The following SUZ12 variants were observed in gnomAD, a reference collection of about 807,000 sequenced individuals.
The protein encoded by SUZ12 is SUZ12 polycomb repressive complex 2 subunit.
In SUZ12, 17 loss-of-function variants were observed where a neutral mutation model predicts 87.3. The ratio of observed to expected loss-of-function variants is 0.19; its 90% confidence interval spans 0.13 to 0.29. The LOEUF (loss-of-function observed/expected upper bound fraction) is 0.29. SUZ12 is among the 10% of genes least tolerant of loss of function. The probability of loss-of-function intolerance (pLI) is 1.00; values close to 1 mark genes in which losing one functional copy is unlikely to be tolerated. For missense variants in SUZ12, 526 were observed against 912.2 expected (o/e 0.58, Z 5.45); for synonymous variants, 253 against 312.4 (o/e 0.81, Z 2.01).
chr17:31,970,289 G>T (rs2047405978), intron 5 of SUZ12, among the ~76,000 whole-genome samples: 1 of 152,142 alleles, frequency 6.6e-6, no homozygotes, highest in Non-Finnish European at 1.5e-5. Context: ...CTGATCAAAT[G>T]TGTTTTACAC....
At chr17:31,944,326 C>G (rs1374327822) in intron 3 of SUZ12, among the ~76,000 whole-genome samples, 1 of 152,000 alleles carries the variant, frequency 6.6e-6, no homozygotes, top group African/African-American at 2.4e-5. Context: ...TGGGGTTTCT[C>G]CATGTTGGTC....
chr17:31,987,641 C>T (rs1214382207), intron 9 of SUZ12, among the ~76,000 whole-genome samples: 1 of 151,840 alleles, frequency 6.6e-6, no homozygotes, highest in Non-Finnish European at 1.5e-5. Flanking sequence ...ATTTTTAAGA[C>T]ATTTCAAGGC....
At chr17:31,955,497 C>G (rs1317975939) in intron 4 of SUZ12, among the ~76,000 whole-genome samples, 1 of 151,946 alleles carries the variant, frequency 6.6e-6, no homozygotes, top group Non-Finnish European at 1.5e-5. Flanking sequence ...GCCTGTAGTC[C>G]CAGCACTTTT....
chr17:31,956,188 C>G (rs1345356356), intron 4 of SUZ12, among the ~76,000 whole-genome samples: 1 of 151,554 alleles, frequency 6.6e-6, no homozygotes, highest in African/African-American at 2.4e-5. Context: ...GCTGGGATTA[C>G]AGGCGTGAGC....
intron 8 of SUZ12, among the ~76,000 whole-genome samples, chr17:31,980,902 C>T (rs1317050149): frequency 3.3e-5 from 5 of 151,914 alleles, no homozygotes; most frequent in Non-Finnish European, 7.4e-5. Context: ...TGCAGTGGCT[C>T]ACACTTGTAA....
At chr17:31,946,174 G>A (rs1906624460) in intron 3 of SUZ12, among the ~76,000 whole-genome samples, 1 of 152,016 alleles carries the variant, frequency 6.6e-6, no homozygotes, top group Non-Finnish European at 1.5e-5. Context: ...TCTAATATCA[G>A]TAGTTTACTA....
At chr17:31,990,587 A>C (rs907240341) in intron 10 of SUZ12, among the ~76,000 whole-genome samples, 1 of 151,806 alleles carries the variant, frequency 6.6e-6, no homozygotes, top group South Asian at 2.1e-4. Flanking sequence ...CTTGTCTCAA[A>C]CTACTGATGT....
intron 1 of SUZ12, among the ~76,000 whole-genome samples, chr17:31,938,804 A>C (rs867351189): frequency 3.3e-5 from 5 of 152,226 alleles, no homozygotes; most frequent in African/African-American, 1.2e-4. Context: ...CTGAATGTTA[A>C]GACACATCCT....
chr17:31,946,793 G>A (rs1906665779), intron 3 of SUZ12, among the ~76,000 whole-genome samples: 1 of 152,102 alleles, frequency 6.6e-6, no homozygotes, highest in South Asian at 2.1e-4. Context: ...CTAAGATGAG[G>A]CTTGTTTTTA....
At chr17:31,961,133 A>C in intron 4 of SUZ12, among the ~76,000 whole-genome samples, 1 of 151,040 alleles carries the variant, frequency 6.6e-6, no homozygotes, top group East Asian at 2.0e-4. Flanking sequence ...AATGGCTTGA[A>C]CCCTGGGAGG....
intron 4 of SUZ12, among the ~76,000 whole-genome samples, chr17:31,965,417 G>C (rs1286854365): frequency 2.0e-5 from 3 of 152,150 alleles, no homozygotes; most frequent in African/African-American, 7.2e-5. Context: ...TTTATCCCAT[G>C]CTTATTGTTT....
chr17:31,982,748 T>TAA (rs1909187576), intron 8 of SUZ12, among the ~76,000 whole-genome samples: 1 of 152,232 alleles, frequency 6.6e-6, no homozygotes, highest in Non-Finnish European at 1.5e-5. Flanking sequence ...TCAGGCATAT[T>TAA]ATACTTTACA....
intron 9 of SUZ12, among the ~76,000 whole-genome samples, chr17:31,985,153 T>C: frequency 8.7e-6 from 1 of 114,754 alleles, no homozygotes; most frequent in Admixed American, 9.7e-5. Context: ...AGCAAGACTC[T>C]GTCTCAAAAA....
In SUZ12 at chr17:31,988,453, A is replaced by G. The variant is rs1909528002; in HGVS notation, c.1157A>G (p.His386Arg). 8 of 1,611,022 alleles carry G rather than the reference A, an allele frequency of 5.0e-6. No homozygotes were observed. Among genetic ancestry groups the G allele is most frequent in the Non-Finnish European group, 6.8e-6 (8 of 1,179,214 alleles). The change falls in exon 10 of 16, where the codon CAT becomes CGT. Residue 386 changes from histidine to arginine, a missense_variant. By Grantham distance (29) the His-to-Arg change is conservative. This residue lies in a region of SUZ12 where 85 missense variants were observed against 87.4 expected (regional missense o/e 0.97). Coordinates refer to ENST00000322652, the MANE Select transcript of SUZ12 (RefSeq NM_015355.4). ...PLATRNSESL[H>R]QENKPGSVKP... is the part of the protein sequence containing the mutation. ...GCCACTAGAAATTCAGAGAGTCTCC[A>G]TCAGGAAAACAAGCCTGGTTCAGTT...
intron 5 of SUZ12, among the ~76,000 whole-genome samples, chr17:31,968,664 TTTCC>T (rs1908235044): frequency 6.6e-6 from 1 of 152,186 alleles, no homozygotes; most frequent in South Asian, 2.1e-4. Context: ...CGGTTTTTGT[TTTCC>T]TTAAATTATT....
chr17:31,938,916 C>T (rs921358698), intron 1 of SUZ12, among the ~76,000 whole-genome samples: 6 of 152,156 alleles, frequency 3.9e-5, no homozygotes, highest in Admixed American at 1.3e-4. Flanking sequence ...AAGTTGTTTA[C>T]TGGAAAGTTT....
At chr17:31,996,966 A>G (rs1910007372) in intron 15 of SUZ12, 89 bp downstream of exon 15, 3 of 841,556 alleles carry the variant, frequency 3.6e-6, no homozygotes, top group Non-Finnish European at 5.0e-6. Flanking sequence ...GTGTGTTAGA[A>G]TCTTATTTAA....
chr17:31,952,039 T>G (rs1907016522), intron 4 of SUZ12, among the ~76,000 whole-genome samples: 1 of 151,570 alleles, frequency 6.6e-6, no homozygotes, highest in Admixed American at 6.6e-5. Context: ...CCTCTCAAAG[T>G]GTTGCAATTA....
At chr17:31,958,698 T>A (rs577077642) in intron 4 of SUZ12, among the ~76,000 whole-genome samples, 1 of 152,222 alleles carries the variant, frequency 6.6e-6, no homozygotes, top group East Asian at 1.9e-4. Flanking sequence ...ATACAAAAAT[T>A]AGCTGGGCGT....
Sources: allele counts gnomAD v4.1 joint callset (sites outside exome capture counted in the v4.1 genomes callset), GRCh38; gene constraint gnomAD v4.1.1; regional missense constraint gnomAD v4.1.1; transcripts MANE v1.5; gene names NCBI Gene and HGNC (gene_info 2026-07-23, HGNC 2026-07-21).